Variants in AGBL1 observed in about 807,000 individuals in gnomAD.
AGBL1 encodes the protein cytosolic carboxypeptidase 4.
AGBL1 carries 130 observed loss-of-function variants against 118.9 expected under a neutral mutation model. The ratio of observed to expected loss-of-function variants is 1.09; its 90% CI spans 0.95 to 1.26. The LOEUF (loss-of-function observed/expected upper bound fraction) is 1.26, where lower values mean the gene tolerates loss of function less well. Among genes scored for constraint, AGBL1 ranks in the 50% most tolerant of loss-of-function variants. The pLI, the probability that AGBL1 is intolerant of heterozygous loss-of-function variation, is 0.00. For synonymous variants in AGBL1, 555 were observed against 478.9 expected (o/e 1.16, Z -2.08); for missense variants, 1,584 against 1,298.1 (o/e 1.22, Z -3.38).
chr15:86,317,854 C>T (rs2080040321), intron 17 of AGBL1, among the ~76,000 whole-genome samples: 1 of 152,066 alleles, frequency 6.6e-6, no homozygotes, highest in East Asian at 1.9e-4. Context: ...AGATGTGGCC[C>T]ATGAAATTCT....
At chr15:86,744,007 A>T (rs2077719074) in intron 22 of AGBL1, among the ~76,000 whole-genome samples, 1 of 152,156 alleles carries the variant, frequency 6.6e-6, no homozygotes, top group Non-Finnish European at 1.5e-5. Flanking sequence ...TTTTAGAACA[A>T]TGCCATCTTA....
chr15:86,801,092 T>C lies in AGBL1; in HGVS notation c.3159-105995T>C, dbSNP rs183677877. On this transcript the variant is annotated intron_variant, in intron 22 of 22. Coordinates refer to ENST00000614907, the MANE Select transcript of AGBL1 (RefSeq NM_001386094.1). ...AAACTCGAACTTACATGTATAACAC[T>C]TTTTTATGGCCCATCCTCAAAATGA... Among the ~76,000 whole-genome samples the C allele has an allele frequency of 1.6e-3, 250 of 152,172 alleles. 1 individual carries two copies. Among genetic ancestry groups the C allele is most frequent in the African/African-American group, 5.8e-3 (239 of 41,548 alleles).
rs140089080 is a variant in AGBL1 at position 86,194,344 on chromosome 15, A to G, written c.489-30570A>G. Among the ~76,000 whole-genome samples, 789 of 152,360 alleles carry G rather than the reference A, an allele frequency of 5.2e-3. 4 individuals carry two copies. The highest frequency in any genetic ancestry group is 0.012 in the African/African-American group (488 of 41,588). ...GGTCTATGCTTAAGCATTTGCAAAG[A>G]AAGAGTGATGCCTGCTACTAGAGTA... is the stretch of plus-strand genomic sequence containing the variant. On this transcript the variant is annotated intron_variant, in intron 5 of 22. Coordinates refer to ENST00000614907, the MANE Select transcript of AGBL1 (RefSeq NM_001386094.1).
At chr15:86,626,662 T>G (rs895723525) in intron 21 of AGBL1, among the ~76,000 whole-genome samples, 2 of 152,128 alleles carry the variant, frequency 1.3e-5, no homozygotes, top group Admixed American at 1.3e-4. Context: ...ACTTGTTTTT[T>G]TTTAAGAAAA....
rs2080879544 is a variant in AGBL1 at position 86,951,423 on chromosome 15, A to AG, written c.3222-36564_3222-36563insG. 3.3e-5 allele frequency among the ~76,000 whole-genome samples: 5 copies of AG among 152,348 alleles called. No individual in the cohort carries two copies. In the South Asian group the frequency reaches 1.0e-3, roughly 32 times the overall value. ...AATTCCTAATAGCACTCACAAGAAA[A>AG]CAATTCAAATGTTGATCCAAAAAAT... On this transcript the variant is annotated intron_variant, in intron 23 of 24. Transcript: ENST00000441037.
chr15:86,738,763 C>T (rs546677177), intron 22 of AGBL1, among the ~76,000 whole-genome samples: 9 of 152,008 alleles, frequency 5.9e-5, no homozygotes, highest in Admixed American at 2.0e-4. Flanking sequence ...CTTTAATATG[C>T]TAGAGTGCAT....
intron 24 of AGBL1, among the ~76,000 whole-genome samples, chr15:87,011,989 GA>G (rs57586511): frequency 1.9e-4 from 29 of 150,224 alleles, no homozygotes; most frequent in African/African-American, 6.1e-4. Context: ...TGAAACCTAA[GA>G]AAAAAAAATA....
chr15:86,243,248 T>C (rs977469076), intron 6 of AGBL1, among the ~76,000 whole-genome samples: 5 of 152,208 alleles, frequency 3.3e-5, no homozygotes, highest in African/African-American at 1.2e-4. Context: ...GATCCTCAAC[T>C]CATTAAGTAT....
At chr15:86,294,212 A>G (rs151338685) in intron 16 of AGBL1, among the ~76,000 whole-genome samples, 1,735 of 152,184 alleles carry the variant, frequency 0.011, 21 homozygotes, top group Non-Finnish European at 0.019. Context: ...AGCCTGGCCA[A>G]TATGGCAAAA....
intron 22 of AGBL1, among the ~76,000 whole-genome samples, chr15:86,890,148 T>G (rs2080031199): frequency 6.6e-6 from 1 of 152,226 alleles, no homozygotes; most frequent in Non-Finnish European, 1.5e-5. Flanking sequence ...TAATGATCAG[T>G]GATGTTGAGC....
intron 3 of AGBL1, among the ~76,000 whole-genome samples, chr15:86,147,416 G>T (rs1379212616): frequency 1.3e-5 from 2 of 152,206 alleles, no homozygotes; most frequent in Non-Finnish European, 2.9e-5. Flanking sequence ...CTTAAATACT[G>T]CACTTTTCCC....
intron 18 of AGBL1, among the ~76,000 whole-genome samples, chr15:86,480,269 G>T (rs2142121788): frequency 6.6e-6 from 1 of 152,174 alleles, no homozygotes; most frequent in South Asian, 2.1e-4. Context: ...ATATTAATTT[G>T]CTTCAGTATG....
At chr15:86,978,783 G>T (rs1304681499) in intron 23 of AGBL1, among the ~76,000 whole-genome samples, 3 of 152,076 alleles carry the variant, frequency 2.0e-5, no homozygotes, top group Non-Finnish European at 4.4e-5. Context: ...AGGCCTCTCA[G>T]ACTGGCAAGA....
intron 19 of AGBL1, among the ~76,000 whole-genome samples, chr15:86,529,478 C>T (rs1435851735): frequency 7.4e-6 from 1 of 134,896 alleles, no homozygotes; most frequent in Non-Finnish European, 1.5e-5. Flanking sequence ...AAATCTACGT[C>T]TGATTGGTGT....
At chr15:86,996,963 T>C (rs963657419) in intron 24 of AGBL1, among the ~76,000 whole-genome samples, 13 of 152,058 alleles carry the variant, frequency 8.5e-5, no homozygotes, top group African/African-American at 2.7e-4. Flanking sequence ...ACAGAAAATA[T>C]CCATTATAAA....
At chr15:86,775,366 C>T (rs2078240099) in intron 22 of AGBL1, among the ~76,000 whole-genome samples, 1 of 152,092 alleles carries the variant, frequency 6.6e-6, no homozygotes, top group Non-Finnish European at 1.5e-5. Flanking sequence ...TTGGGATCTC[C>T]TGGTGACCAT....
chr15:87,013,912 A>G (rs1421412239), intron 24 of AGBL1, among the ~76,000 whole-genome samples: 7 of 152,176 alleles, frequency 4.6e-5, no homozygotes, highest in African/African-American at 1.7e-4. Flanking sequence ...TGATTCCAGG[A>G]GCTACCCTTT....
intron 22 of AGBL1, among the ~76,000 whole-genome samples, chr15:86,793,752 A>C (rs1378594690): frequency 6.6e-6 from 1 of 152,226 alleles, no homozygotes; most frequent in Non-Finnish European, 1.5e-5. Context: ...TATACATTCA[A>C]CAACAAAAAG....
intron 18 of AGBL1, among the ~76,000 whole-genome samples, chr15:86,492,491 G>A (rs1230083883): frequency 6.6e-6 from 1 of 151,738 alleles, no homozygotes; most frequent in Non-Finnish European, 1.5e-5. Context: ...ATGGGAAGCT[G>A]AGGCAGGAGA....
Sources: gnomAD v4.1 joint callset for allele counts (sites outside exome capture counted in the v4.1 genomes callset) on GRCh38, gnomAD v4.1.1 for gene constraint, MANE v1.5 for transcripts, NCBI Gene and HGNC (gene_info 2026-07-23, HGNC 2026-07-21) for gene names.